The following PTPRS variants were observed in gnomAD, a reference collection of about 807,000 sequenced individuals.
The protein encoded by PTPRS is receptor-type tyrosine-protein phosphatase S.
Under a neutral mutation model 215.3 loss-of-function variants are expected in PTPRS, and 63 were observed. That is an observed-to-expected ratio of 0.29 (90% CI 0.24 to 0.36). The LOEUF (loss-of-function observed/expected upper bound fraction) is 0.36, where lower values mean the gene tolerates loss of function less well. PTPRS is among the 10% of genes least tolerant of loss of function. The pLI, the probability that PTPRS is intolerant of heterozygous loss-of-function variation, is 1.00. For missense variants in PTPRS, 2,258 were observed against 2,825.8 expected (o/e 0.80, Z 4.56); for synonymous variants, 1,404 against 1,191.4 (o/e 1.18, Z -3.68).
chr19:5,209,713 C>T (rs1273263850), intron 35 of PTPRS, among the ~76,000 whole-genome samples: 1 of 152,154 alleles, frequency 6.6e-6, no homozygotes, highest in Non-Finnish European at 1.5e-5. Flanking sequence ...CTGACCCAAA[C>T]TACCACATTC....
intron 1 of PTPRS, among the ~76,000 whole-genome samples, chr19:5,328,348 GATCC>G (rs1006551948): frequency 2.0e-5 from 3 of 151,952 alleles, no homozygotes; most frequent in African/African-American, 7.2e-5. Context: ...GACCTCAGGT[GATCC>G]ACCAGTCTCG....
rs775327160 is a variant in PTPRS, at chr19:5,206,859, G to A, written c.5779-17C>T. On this transcript the variant is annotated splice_polypyrimidine_tract_variant and intron_variant, in intron 37 of 37. Transcript: ENST00000262963. ...GTACTCATCCTGGGGGAGCAGAGGTGACCTGTTAGTACCTCCGCTGCTCTA... is the reference window on the plus strand; with the variant it reads ...GTACTCATCCTGGGGGAGCAGAGGTAACCTGTTAGTACCTCCGCTGCTCTA... 3 of 1,612,922 alleles carry A rather than the reference G, an allele frequency of 1.9e-6. No individual in the cohort carries two copies. The highest frequency in any genetic ancestry group is 2.5e-6 in the Non-Finnish European group (3 of 1,179,074).
chr19:5,255,964 T>C (rs2045522395), intron 9 of PTPRS, 144 bp downstream of exon 9: 2 of 610,506 alleles, frequency 3.3e-6, no homozygotes, highest in Admixed American at 3.8e-5. Flanking sequence ...TCTTTTAAAA[T>C]TGTTGTTCAT....
At chr19:5,215,226 T>C in intron 28 of PTPRS, 63 bp downstream of exon 28, 6 of 1,593,966 alleles carry the variant, frequency 3.8e-6, no homozygotes, top group Non-Finnish European at 5.2e-6. Flanking sequence ...AGGGGAGACA[T>C]GGGATCTAGC....
At chr19:5,271,713 A>G (rs777002710) in intron 4 of PTPRS, among the ~76,000 whole-genome samples, 2 of 147,994 alleles carry the variant, frequency 1.4e-5, no homozygotes, top group Non-Finnish European at 3.0e-5. Context: ...ATTTTTATTC[A>G]TTCATTCATT....
rs28498272 is a variant in PTPRS, at chr19:5,269,305, G to A, written c.380-4109C>T. On this transcript the variant is annotated intron_variant, in intron 4 of 37. Coordinates refer to ENST00000262963, the MANE Select transcript of PTPRS (RefSeq NM_002850.4). ...CAGGGGGAGGTCTCGGCCGCCTGAC[G>A]CTACCGAGAACACCTAATTAAACAA... is the stretch of plus-strand genomic sequence containing the variant. Among the ~76,000 whole-genome samples, 1,040 of 152,122 alleles carry A rather than the reference G, an allele frequency of 6.8e-3. 15 individuals are homozygous for A. The highest frequency in any genetic ancestry group is 0.024 in the African/African-American group (976 of 41,512).
At chr19:5,327,694 G>C (rs1253730996) in intron 1 of PTPRS, among the ~76,000 whole-genome samples, 3 of 152,060 alleles carry the variant, frequency 2.0e-5, no homozygotes, top group Non-Finnish European at 1.5e-5. Flanking sequence ...TCAAACTCCT[G>C]GGCTCAAGCA....
In PTPRS at chr19:5,206,250, T is replaced by TAA. The variant is rs199687996; in HGVS notation, c.*522_*523dup. ...TGGCGAGTCTTTTGTTTGTTTCTCT[T>TAA]AAAAAAAAAAATGGAAAAAAAAATA... On this transcript the variant is annotated 3_prime_UTR_variant, in exon 38 of 38. Coordinates refer to ENST00000262963, the MANE Select transcript of PTPRS (RefSeq NM_002850.4). 1,053 of 211,118 alleles carry TAA rather than the reference T, an allele frequency of 5.0e-3. No individual in the cohort carries two copies. Among genetic ancestry groups the TAA allele is most frequent in the Non-Finnish European group, 7.0e-3 (747 of 106,118 alleles). 13.1% of individuals were successfully genotyped at this position (211,118 alleles called of 1,614,324 possible).
In PTPRS at chr19:5,339,908, G is replaced by A. The variant is rs1296407761; in HGVS notation, c.-95+756C>T. ...TGGGCGTGCGCGTCTGCCTGCCAGA[G>A]CCCCTGGGGCTGGGGGCTGAGGCTC... On this transcript the variant is annotated intron_variant, in intron 1 of 37. Coordinates refer to ENST00000262963, the MANE Select transcript of PTPRS (RefSeq NM_002850.4). The surrounding 1 kb of genome is among the most constrained non-coding windows in gnomAD (Gnocchi z 4.2). Among the ~76,000 whole-genome samples, 1 of 152,050 alleles carries A rather than the reference G, an allele frequency of 6.6e-6. No homozygotes were observed. Among genetic ancestry groups the A allele is most frequent in the African/African-American group, 2.4e-5 (1 of 41,538 alleles).
chr19:5,285,073 T>C (rs776854869), intron 2 of PTPRS, among the ~76,000 whole-genome samples: 2 of 152,250 alleles, frequency 1.3e-5, no homozygotes, highest in Admixed American at 6.5e-5. Flanking sequence ...TAACACAGGA[T>C]TGCCGGCCTG....
At chr19:5,305,760 TATATA>T (rs1280108032) in intron 1 of PTPRS, among the ~76,000 whole-genome samples, 4 of 112,196 alleles carry the variant, frequency 3.6e-5, no homozygotes, top group African/African-American at 1.3e-4. Context: ...TATATATATA[TATATA>T]TTTTTTTTTT....
chr19:5,317,342 C>T (rs1240534491), intron 1 of PTPRS, among the ~76,000 whole-genome samples: 1 of 152,202 alleles, frequency 6.6e-6, no homozygotes, highest in Non-Finnish European at 1.5e-5. Context: ...CGTGGTGGCA[C>T]GCGCCTGTAA....
At chr19:5,329,732 T>C (rs1252427598) in intron 1 of PTPRS, among the ~76,000 whole-genome samples, 1 of 148,464 alleles carries the variant, frequency 6.7e-6, no homozygotes, top group Non-Finnish European at 1.5e-5. Context: ...GCCACTGCAC[T>C]CCAGCCTGGG....
chr19:5,251,182 C>T (rs1012341928), intron 9 of PTPRS, among the ~76,000 whole-genome samples: 1 of 152,198 alleles, frequency 6.6e-6, no homozygotes, highest in South Asian at 2.1e-4. Context: ...TGAACTCCAG[C>T]CTGTAGCCCA....
At position 5,214,755 on chromosome 19, in the gene PTPRS, G is replaced by T. The variant is rs763743834; in HGVS notation, c.4319-19C>A. 2 of 1,588,374 alleles carry T rather than the reference G, an allele frequency of 1.3e-6. No homozygotes were observed. The highest frequency in any genetic ancestry group is 2.7e-5 in the African/African-American group (2 of 74,554). ...ATGATGCCTGCAGCCAGGGCGAGAG[G>T]CCAGGGATCTGTGGGGGCTGTCTTG... On this transcript the variant is annotated intron_variant, in intron 28 of 37. Transcript: ENST00000262963.
chr19:5,210,493 T>G lies in PTPRS; in HGVS notation c.5463A>C (p.Arg1821=). 1 of 1,614,188 alleles carries G rather than the reference T, an allele frequency of 6.2e-7. No individual in the cohort carries two copies. Among genetic ancestry groups the G allele is most frequent in the Admixed American group, 1.7e-5 (1 of 60,026 alleles). The part of the protein sequence containing the change: ...AEYNMPQYIL[R]EFKVTDARDG... Reference sequence around the variant, plus strand: ...CCCGGGCATCTGTGACCTTGAACTCTCGCAGGATATACTGAGGCATGTTGT... The same window carrying G: ...CCCGGGCATCTGTGACCTTGAACTCGCGCAGGATATACTGAGGCATGTTGT... Residue 1821 remains arginine (R), a synonymous_variant, in exon 35 of 38, where the codon CGA becomes CGC. Coordinates refer to ENST00000262963, the MANE Select transcript of PTPRS (RefSeq NM_002850.4). The surrounding 1 kb of genome is among the most constrained non-coding windows in gnomAD (Gnocchi z 4.5).
intron 1 of PTPRS, among the ~76,000 whole-genome samples, chr19:5,303,858 G>A (rs1299939575): frequency 1.3e-5 from 2 of 148,434 alleles, no homozygotes; most frequent in African/African-American, 5.1e-5. Context: ...GGCTGAGACA[G>A]GAGAATCGCT....
At chr19:5,271,491 AG>A (rs2046906850) in intron 4 of PTPRS, among the ~76,000 whole-genome samples, 1 of 146,372 alleles carries the variant, frequency 6.8e-6, no homozygotes, top group Non-Finnish European at 1.5e-5. Flanking sequence ...TCCACCTCCC[AG>A]GTTCAAACGA....
intron 13 of PTPRS, among the ~76,000 whole-genome samples, chr19:5,236,399 G>A (rs1349569505): frequency 6.6e-6 from 1 of 152,224 alleles, no homozygotes; most frequent in Non-Finnish European, 1.5e-5. Flanking sequence ...TTGGTTTGAG[G>A]TTGGCAGCTC....
Sources: gnomAD v4.1 joint callset for allele counts (sites outside exome capture counted in the v4.1 genomes callset) on GRCh38, gnomAD v4.1.1 for gene constraint, Gnocchi (gnomAD v3.1) non-coding constraint, MANE v1.5 for transcripts, NCBI Gene and HGNC (gene_info 2026-07-23, HGNC 2026-07-21) for gene names.